The following D2HGDH variants were observed in gnomAD, a reference collection of about 807,000 sequenced individuals.
The protein encoded by D2HGDH is D-2-hydroxyglutarate dehydrogenase, mitochondrial.
In D2HGDH, 31 loss-of-function variants were observed where a neutral mutation model predicts 46.9. That is an observed-to-expected ratio of 0.66 (90% CI 0.50 to 0.89). The LOEUF (loss-of-function observed/expected upper bound fraction) is 0.89, where lower values mean the gene tolerates loss of function less well. D2HGDH is among the 40% of genes least tolerant of loss of function. The pLI, the probability that D2HGDH is intolerant of heterozygous loss-of-function variation, is 0.00. For missense variants in D2HGDH, 698 were observed against 720.8 expected (o/e 0.97, Z 0.36); for synonymous variants, 364 against 332.6 (o/e 1.09, Z -1.03).
chr2:241,738,547 T>G (rs1489695943), intron 2 of D2HGDH, among the ~76,000 whole-genome samples: 1 of 152,104 alleles, frequency 6.6e-6, no homozygotes. Flanking sequence ...CCCCGGGGCA[T>G]GCAGGAGCGG....
rs1362249269 is a variant in D2HGDH, at chr2:241,735,528, T to C, written c.292+12T>C. On this transcript the variant is annotated intron_variant, in intron 2 of 9. Coordinates refer to ENST00000321264, the MANE Select transcript of D2HGDH (RefSeq NM_152783.5). ...GCGGACGCTGCGAGGTGGGTGAGGC[T>C]TGGGAAGCTGCGGCGTTTCCGCGTC... is the stretch of plus-strand genomic sequence containing the variant. The C allele has an allele frequency of 1.2e-6, 2 of 1,603,328 alleles. No homozygotes were observed. Among genetic ancestry groups the C allele is most frequent in the Non-Finnish European group, 1.7e-6 (2 of 1,179,664 alleles).
chr2:241,764,807 G>A (rs913760119), intron 9 of D2HGDH, among the ~76,000 whole-genome samples: 6 of 152,236 alleles, frequency 3.9e-5, no homozygotes, highest in South Asian at 2.1e-4. Flanking sequence ...TGTCTGGGCA[G>A]CCCTTGAGCT....
At chr2:241,744,568 C>T in intron 5 of D2HGDH, 141 bp from the exon 6 acceptor site, 1 of 1,044,010 alleles carries the variant, frequency 9.6e-7, no homozygotes, top group East Asian at 2.5e-5. Flanking sequence ...TGGAGGGTGT[C>T]ACTCGTACAG....
intron 8 of D2HGDH, chr2:241,755,254 A>G (rs776212594): frequency 1.3e-4 from 113 of 876,700 alleles, no homozygotes; most frequent in Middle Eastern, 2.8e-4. Flanking sequence ...CCCACCCACC[A>G]TGTCCTTCCC....
In D2HGDH at chr2:241,755,945, G is replaced by A. The variant is rs529863913; in HGVS notation, c.1237G>A (p.Asp413Asn). ...DLSLPVERLY[D>N]IVTDLRARLG... The stretch of plus-strand genomic sequence containing the variant: ...CTCCCTCCCTGTGGAGCGGCTCTAC[G>A]ACATCGTGACTGACCTGCGCGCCCG... The change falls in exon 9 of 10, where the codon GAC (aspartate) becomes AAC (asparagine). Residue 413 changes from aspartate (D) to asparagine (N), a missense_variant. Coordinates refer to ENST00000321264, the MANE Select transcript of D2HGDH (RefSeq NM_152783.5). The A allele has an allele frequency of 6.3e-5, 101 of 1,610,662 alleles. 1 individual carries two copies. The highest frequency in any genetic ancestry group is 1.6e-4 in the East Asian group (7 of 44,760).
rs1697147190 is a variant in D2HGDH, at chr2:241,751,250, T to A, written c.1002T>A (p.Ser334Arg). Residue 334 changes from serine to arginine, a missense_variant, in exon 8 of 10, where the codon AGT becomes AGA. Physicochemically the swap from Ser to Arg is moderately radical, Grantham distance 110. Coordinates refer to ENST00000321264, the MANE Select transcript of D2HGDH (RefSeq NM_152783.5). ...HLHLASPVQE[S>R]PFYVLIETSG... Reference sequence around the variant, plus strand: ...GCCTTCCTTGCTCACTTCTAGAGAGTCCGTTTTACGTCCTCATCGAGACTT... The same window carrying A: ...GCCTTCCTTGCTCACTTCTAGAGAGACCGTTTTACGTCCTCATCGAGACTT... 6.2e-7 allele frequency: 1 copy of A among 1,613,738 alleles called. No individual in the cohort carries two copies. Among genetic ancestry groups the A allele is most frequent in the Non-Finnish European group, 8.5e-7 (1 of 1,180,020 alleles).
At chr2:241,755,584 A>G (rs145205270) in intron 8 of D2HGDH, 4 of 1,476,142 alleles carry the variant, frequency 2.7e-6, no homozygotes, top group Admixed American at 4.1e-5. Context: ...AGCCTGGGAC[A>G]TTCACTGTCT....
intron 7 of D2HGDH, among the ~76,000 whole-genome samples, chr2:241,751,019 A>T (rs1697092849): frequency 6.6e-6 from 1 of 152,108 alleles, no homozygotes; most frequent in Non-Finnish European, 1.5e-5. Context: ...CAGCCTCCCA[A>T]AGTGCTGGGA....
At chr2:241,767,689 C>G (rs777800700) in intron 9 of D2HGDH, 21 bp from the exon 10 acceptor site, 2 of 1,612,184 alleles carry the variant, frequency 1.2e-6, no homozygotes, top group Non-Finnish European at 1.7e-6. Context: ...CAGCCTGACC[C>G]ATGTGCCCTT....
chr2:241,740,972 A>G, intron 2 of D2HGDH, 61 bp from the exon 3 acceptor site: 1 of 1,407,234 alleles, frequency 7.1e-7, no homozygotes. Context: ...GGGGCGAGTG[A>G]CCACTTGCCT....
At chr2:241,761,251 A>G (rs539328964) in intron 9 of D2HGDH, among the ~76,000 whole-genome samples, 13 of 152,334 alleles carry the variant, frequency 8.5e-5, no homozygotes, top group African/African-American at 2.4e-4. Flanking sequence ...TAAAGTATAC[A>G]GGAGGGGCCG....
intron 6 of D2HGDH, 95 bp downstream of exon 6, chr2:241,744,972 A>AAC: frequency 7.4e-7 from 1 of 1,343,464 alleles, no homozygotes; most frequent in Non-Finnish European, 1.0e-6. Flanking sequence ...GGATGGAGGG[A>AAC]CCCCCCGCCA....
rs530444166 is a variant in D2HGDH at position 241,743,101 on chromosome 2, G to A, written c.491-521G>A. On this transcript the variant is annotated intron_variant, in intron 4 of 9. Coordinates refer to ENST00000321264, the MANE Select transcript of D2HGDH (RefSeq NM_152783.5). This position sits in a 1 kb window ranked among gnomAD's most constrained non-coding sequence, Gnocchi z 4.8. Reference sequence around the variant, plus strand: ...GCGTGAGGGGATCCTGACCCAGGGTGCCAGGGCGTGGCAGGCATGAGGGGA... The same window carrying A: ...GCGTGAGGGGATCCTGACCCAGGGTACCAGGGCGTGGCAGGCATGAGGGGA... 7.4e-5 allele frequency among the ~76,000 whole-genome samples: 4 copies of A among 54,076 alleles called. No homozygotes were observed. In the East Asian group the frequency reaches 9.1e-4, roughly 12 times the overall value. 35.5% of individuals were successfully genotyped at this position (54,076 alleles called of 152,430 possible). A position where few individuals can be genotyped will look rare whatever the true frequency, so the allele number is the denominator to read the frequency against.
rs1696620849 is a variant in D2HGDH at position 241,749,066 on chromosome 2, C to G, written c.854-1085C>G. ...GGGCTCGGTCCAGCTCTCCAGGGCCCCAGTCAGCCCTGGCTCCTGCTCTCC... is the reference window on the plus strand; with the variant it reads ...GGGCTCGGTCCAGCTCTCCAGGGCCGCAGTCAGCCCTGGCTCCTGCTCTCC... On this transcript the variant is annotated intron_variant, in intron 6 of 9. Transcript: ENST00000321264. 6 of 1,000,464 alleles carry G rather than the reference C, an allele frequency of 6.0e-6. No homozygotes were observed. The African/African-American group carries it at 7.0e-5, about 12-fold the overall frequency. The allele number at this position is 1,000,464 out of a possible 1,614,324, so 62.0% of individuals were successfully genotyped here.
rs372041486 is a variant in D2HGDH, at chr2:241,756,023, C to T, written c.1306+9C>T. 4.3e-5 allele frequency: 68 copies of T among 1,592,486 alleles called. No homozygotes were observed. The highest frequency in any genetic ancestry group is 6.7e-5 in the African/African-American group (5 of 74,484). ...GGGCTATGGCCACCTTGGTGAGCGGCGCCCCGGGGCCGCGGCCCTGTGTGT... is the reference window on the plus strand; with the variant it reads ...GGGCTATGGCCACCTTGGTGAGCGGTGCCCCGGGGCCGCGGCCCTGTGTGT... On this transcript the variant is annotated intron_variant, in intron 9 of 9. Coordinates refer to ENST00000321264, the MANE Select transcript of D2HGDH (RefSeq NM_152783.5).
intron 9 of D2HGDH, among the ~76,000 whole-genome samples, chr2:241,756,796 A>T (rs530285044): frequency 6.6e-6 from 1 of 152,312 alleles, no homozygotes; most frequent in South Asian, 2.1e-4. Context: ...TGCTGGGATT[A>T]CAGGAGTGAG....
chr2:241,735,512 G>A lies in D2HGDH; in HGVS notation c.288G>A (p.Leu96=). Residue 96 remains leucine (L), a synonymous_variant, in exon 2 of 10, where the codon CTG becomes CTA. Transcript: ENST00000321264. ...QAPNVDWLRT[L]RGCSKVLLRP... is the part of the protein sequence containing the mutation. ...CCAACGTGGACTGGTTGCGGACGCT[G>A]CGAGGTGGGTGAGGCTTGGGAAGCT... The A allele has an allele frequency of 6.2e-7, 1 of 1,605,786 alleles. No individual in the cohort carries two copies. Among genetic ancestry groups the A allele is most frequent in the Non-Finnish European group, 8.5e-7 (1 of 1,179,758 alleles).
At chr2:241,746,284 C>G (rs2125102969) in intron 6 of D2HGDH, among the ~76,000 whole-genome samples, 1 of 152,286 alleles carries the variant, frequency 6.6e-6, no homozygotes, top group South Asian at 2.1e-4. Context: ...TCTTCCAGTT[C>G]ACGAATGCCC....
In D2HGDH at chr2:241,743,899, G is replaced by T. The variant is rs373904767; in HGVS notation, c.684+84G>T. 221 of 1,494,134 alleles carry T rather than the reference G, an allele frequency of 1.5e-4. 2 individuals are homozygous for T. The highest frequency in any genetic ancestry group is 1.1e-4 in the Non-Finnish European group (122 of 1,101,424). The allele number at this position is 1,494,134 out of a possible 1,614,324, so 92.6% of individuals were successfully genotyped here. The stretch of plus-strand genomic sequence containing the variant: ...CATGGGCCCACGTGGTGGCACAGGT[G>T]CATGGGGCCCCTCGGGGTGGGAGGT... On this transcript the variant is annotated intron_variant, in intron 5 of 9. Transcript: ENST00000321264. This position sits in a 1 kb window ranked among gnomAD's most constrained non-coding sequence, Gnocchi z 4.8.
Sources: allele counts gnomAD v4.1 joint callset (sites outside exome capture counted in the v4.1 genomes callset), GRCh38; gene constraint gnomAD v4.1.1; non-coding constraint Gnocchi (gnomAD v3.1); transcripts MANE v1.5; gene names NCBI Gene and HGNC (gene_info 2026-07-23, HGNC 2026-07-21).